The following ZRANB3 variants were observed in gnomAD, a reference collection of about 807,000 sequenced individuals.
ZRANB3 encodes the protein zinc finger RANBP2-type containing 3.
Under a neutral mutation model 133.8 loss-of-function variants are expected in ZRANB3, and 125 were observed. That is an observed-to-expected ratio of 0.93 (90% CI 0.81 to 1.08). The LOEUF is 1.08. Among genes scored for constraint, ZRANB3 ranks in the 50% least tolerant of loss-of-function variants. The pLI is 0.00. For missense variants in ZRANB3, 1,229 were observed against 1,275.5 expected (o/e 0.96, Z 0.56); for synonymous variants, 387 against 432.7 (o/e 0.89, Z 1.31).
intron 3 of ZRANB3, among the ~76,000 whole-genome samples, chr2:135,364,099 C>G (rs546165637): frequency 7.1e-6 from 1 of 141,560 alleles, no homozygotes; most frequent in Non-Finnish European, 1.5e-5. Flanking sequence ...GGAAGGAGGG[C>G]AGGAGGGAAG....
intron 2 of ZRANB3, among the ~76,000 whole-genome samples, chr2:135,409,638 A>G (rs1378068626): frequency 6.6e-6 from 1 of 152,100 alleles, no homozygotes; most frequent in Non-Finnish European, 1.5e-5. Flanking sequence ...TCCCAGCCAG[A>G]GGAAGAGAAA....
Position 135,353,555 on chromosome 2 carries a change from A to T in ZRANB3, c.254T>A (p.Val85Glu). The T allele has an allele frequency of 6.2e-7, 1 of 1,610,584 alleles. No individual in the cohort carries two copies. Among genetic ancestry groups the T allele is most frequent in the Non-Finnish European group, 8.5e-7 (1 of 1,177,746 alleles). ...AGGGTACCTCAGAGACGAAGGGACC[A>T]CTATTAACAGAGGCCATTCCTCTTT... ...FYKEEWPLLI[V>E]VPSSLRYPWT... The change falls in exon 4 of 21, where the codon GTG (valine) becomes GAG (glutamate). Residue 85 changes from valine to glutamate, a missense_variant. Physicochemically the swap from Val to Glu is moderately radical, Grantham distance 121. Transcript: ENST00000264159.
intron 1 of ZRANB3, among the ~76,000 whole-genome samples, chr2:135,526,460 A>C (rs1368233741): frequency 6.6e-6 from 1 of 152,038 alleles, no homozygotes; most frequent in Non-Finnish European, 1.5e-5. Context: ...CAATGAGCCC[A>C]ACCTGATTTT....
At chr2:135,475,337 T>C (rs78287494) in intron 2 of ZRANB3, among the ~76,000 whole-genome samples, 1,797 of 152,318 alleles carry the variant, frequency 0.012, 32 homozygotes, top group African/African-American at 0.04. Flanking sequence ...CTCCATCCAC[T>C]TCTCTGTCTG....
At chr2:135,364,710 C>T (rs1172259504) in intron 3 of ZRANB3, among the ~76,000 whole-genome samples, 1 of 152,106 alleles carries the variant, frequency 6.6e-6, no homozygotes, top group Non-Finnish European at 1.5e-5. Flanking sequence ...TGAGATTGCA[C>T]CACTGCTCTC....
At chr2:135,327,703 C>T (rs1387535101) in intron 6 of ZRANB3, among the ~76,000 whole-genome samples, 1 of 152,134 alleles carries the variant, frequency 6.6e-6, no homozygotes, top group Non-Finnish European at 1.5e-5. Flanking sequence ...GTTCCAAATA[C>T]AGCTTAACCT....
At chr2:135,485,472 T>C (rs1313333081) in intron 2 of ZRANB3, among the ~76,000 whole-genome samples, 1 of 152,184 alleles carries the variant, frequency 6.6e-6, no homozygotes, top group Non-Finnish European at 1.5e-5. Context: ...CTCCAAGATT[T>C]TGTGAGTTCA....
intron 15 of ZRANB3, among the ~76,000 whole-genome samples, chr2:135,221,514 T>C (rs969651264): frequency 2.0e-5 from 3 of 152,112 alleles, no homozygotes; most frequent in Non-Finnish European, 2.9e-5. Flanking sequence ...GATCAGGTAA[T>C]CCAAGAGGCA....
At chr2:135,444,661 G>A (rs1321919970) in intron 2 of ZRANB3, among the ~76,000 whole-genome samples, 3 of 152,116 alleles carry the variant, frequency 2.0e-5, no homozygotes, top group Admixed American at 6.5e-5. Context: ...CTGGAGGTGG[G>A]GACAAGGATT....
intron 1 of ZRANB3, chr2:135,512,005 C>A (rs1435159498): frequency 1.5e-6 from 1 of 655,918 alleles, no homozygotes; most frequent in Non-Finnish European, 2.8e-6. Flanking sequence ...TGCGGCTGAG[C>A]TGGAGAGGAA....
intron 14 of ZRANB3, among the ~76,000 whole-genome samples, chr2:135,226,216 C>T (rs2105062090): frequency 6.6e-6 from 1 of 152,288 alleles, no homozygotes; most frequent in South Asian, 2.1e-4. Flanking sequence ...TTTCTCTTTT[C>T]AGTGTTGCCA....
intron 12 of ZRANB3, among the ~76,000 whole-genome samples, chr2:135,232,466 C>A (rs969415504): frequency 3.3e-5 from 5 of 152,206 alleles, no homozygotes; most frequent in African/African-American, 1.2e-4. Flanking sequence ...CAGCATGCAG[C>A]TGGAGATCTG....
At chr2:135,243,079 C>T (rs1016375331) in intron 12 of ZRANB3, among the ~76,000 whole-genome samples, 2 of 152,302 alleles carry the variant, frequency 1.3e-5, no homozygotes, top group Admixed American at 6.5e-5. Flanking sequence ...AAAATGCTAT[C>T]AGGAGTTCCA....
intron 3 of ZRANB3, among the ~76,000 whole-genome samples, chr2:135,383,870 A>T (rs553061737): frequency 1.3e-5 from 2 of 152,300 alleles, no homozygotes; most frequent in African/African-American, 4.8e-5. Context: ...TTATACCACT[A>T]AATGCCCACA....
intron 3 of ZRANB3, among the ~76,000 whole-genome samples, chr2:135,385,811 T>C (rs918577553): frequency 6.6e-6 from 1 of 152,188 alleles, no homozygotes; most frequent in Non-Finnish European, 1.5e-5. Context: ...ACTGGATCCC[T>C]GCTTTACACC....
intron 1 of ZRANB3, among the ~76,000 whole-genome samples, chr2:135,525,569 C>A (rs1363330487): frequency 6.6e-6 from 1 of 152,084 alleles, no homozygotes; most frequent in Non-Finnish European, 1.5e-5. Context: ...AGGATTGGGC[C>A]GGGCACAATG....
At position 135,509,841 on chromosome 2, in the gene ZRANB3, C is replaced by T. The variant is rs1338164277; in HGVS notation, c.-7-5345G>A. ...ATTCCTTTTATTGTTTTTAAACATA[C>T]CAGCAAGAATCAAAATTGTCAAATT... On this transcript the variant is annotated intron_variant, in intron 1 of 20. Transcript: ENST00000264159. Among the ~76,000 whole-genome samples, 4 of 151,976 alleles carry T rather than the reference C, an allele frequency of 2.6e-5. No homozygotes were observed. In the East Asian group the frequency reaches 5.8e-4, roughly 22 times the overall value.
chr2:135,377,325 A>G (rs1164245329), intron 3 of ZRANB3, among the ~76,000 whole-genome samples: 1 of 152,182 alleles, frequency 6.6e-6, no homozygotes, highest in African/African-American at 2.4e-5. Context: ...TCCTTGCTCT[A>G]TAAGCTGATA....
chr2:135,214,437 G>T (rs1378227616), intron 17 of ZRANB3, among the ~76,000 whole-genome samples: 1 of 151,966 alleles, frequency 6.6e-6, no homozygotes, highest in Non-Finnish European at 1.5e-5. Context: ...TTGGTTTTAT[G>T]AATTGACTTT....
Sources: allele counts gnomAD v4.1 joint callset (sites outside exome capture counted in the v4.1 genomes callset), GRCh38; gene constraint gnomAD v4.1.1; transcripts MANE v1.5; gene names NCBI Gene and HGNC (gene_info 2026-07-23, HGNC 2026-07-21).